The following PI4KB variants were observed in gnomAD, a reference collection of about 807,000 sequenced individuals.
PI4KB encodes the protein PtdIns 4-kinase beta.
A neutral mutation model predicts 81.4 loss-of-function variants in PI4KB; 23 were observed. The ratio of observed to expected loss-of-function variants is 0.28; its 90% CI spans 0.20 to 0.40. The LOEUF (loss-of-function observed/expected upper bound fraction) is 0.40. PI4KB is among the 10% of genes least tolerant of loss of function. The pLI is 1.00. For synonymous variants in PI4KB, 381 were observed against 406.8 expected, an observed-to-expected ratio of 0.94 and a Z score of 0.76; for missense variants, 651 against 1,036.6, an observed-to-expected ratio of 0.63 and a Z score of 5.11.
At chr1:151,326,136 G>C (rs1354648817) in intron 1 of PI4KB, 2 of 1,601,878 alleles carry the variant, frequency 1.2e-6, no homozygotes, top group Non-Finnish European at 1.7e-6. Flanking sequence ...TTTAACAAAA[G>C]CCTAAAATTA....
At chr1:151,294,800 T>C (rs1694654275) in intron 9 of PI4KB, among the ~76,000 whole-genome samples, 1 of 152,212 alleles carries the variant, frequency 6.6e-6, no homozygotes, top group South Asian at 2.1e-4. Context: ...TAGTTTAAGA[T>C]TCTCCCAATT....
chr1:151,318,687 G>A (rs2102004552), intron 1 of PI4KB, among the ~76,000 whole-genome samples: 1 of 151,648 alleles, frequency 6.6e-6, no homozygotes. Context: ...ACTCCAGCCT[G>A]GGCAACAGAG....
At position 151,317,933 on chromosome 1, in the gene PI4KB, C is replaced by A. The variant is rs182480890; in HGVS notation, c.-28-1424G>T. Among the ~76,000 whole-genome samples the A allele has an allele frequency of 1.3e-3, 203 of 152,056 alleles. 2 individuals carry two copies. The highest frequency in any genetic ancestry group is 4.7e-3 in the African/African-American group (196 of 41,472). On this transcript the variant is annotated intron_variant, in intron 1 of 11. Coordinates refer to ENST00000368873, the MANE Select transcript of PI4KB (RefSeq NM_001369623.2). ...AAGGCATCCTCCTGCCTCAGCCTCC[C>A]GAGTAGCTAGGACTTTAGGTGTGTG...
chr1:151,322,572 TG>T (rs1293740701), intron 1 of PI4KB, among the ~76,000 whole-genome samples: 1 of 152,166 alleles, frequency 6.6e-6, no homozygotes, highest in East Asian at 1.9e-4. Context: ...TAGATAAATA[TG>T]GATTGGTTTG....
At position 151,315,900 on chromosome 1, in the gene PI4KB, A is replaced by C. The variant is rs757645617; in HGVS notation, c.582T>G (p.Ile194Met). 6.2e-7 allele frequency: 1 copy of C among 1,614,124 alleles called. No individual in the cohort carries two copies. Residue 194 changes from isoleucine (I) to methionine (M), a missense_variant, in exon 2 of 12, where the codon ATT becomes ATG. By Grantham distance (10) the Ile-to-Met change is conservative. This residue lies in a region of PI4KB where 314 missense variants were observed against 397.8 expected (regional missense o/e 0.79). Coordinates refer to ENST00000368873, the MANE Select transcript of PI4KB (RefSeq NM_001369623.2). ...GGCAACGGTGGACTATGTAGGGCTTAATGGCATCACCCACGTCCTCATCCA... is the reference window on the plus strand; with the variant it reads ...GGCAACGGTGGACTATGTAGGGCTTCATGGCATCACCCACGTCCTCATCCA... Reference protein sequence around the residue: ...IHMDEDVGDAIKPYIVHRCRQ... With the variant: ...IHMDEDVGDAMKPYIVHRCRQ...
At chr1:151,321,872 TAAAA>T (rs35519740) in intron 1 of PI4KB, among the ~76,000 whole-genome samples, 2 of 73,852 alleles carry the variant, frequency 2.7e-5, no homozygotes, top group Admixed American at 1.5e-4. Context: ...GACTCTGTCT[TAAAA>T]AAAAAAAAAA....
chr1:151,295,296 G>A (rs1694690531), intron 9 of PI4KB, among the ~76,000 whole-genome samples: 1 of 152,226 alleles, frequency 6.6e-6, no homozygotes, highest in Admixed American at 6.5e-5. Flanking sequence ...TAGGCTAAGA[G>A]CTGATGGTCT....
chr1:151,316,065 A>G lies in PI4KB; in HGVS notation c.417T>C (p.Phe139=). Reference sequence around the variant, plus strand: ...GGTATGAAATGGCCATGGAGATGTCAAACAGTTTTGACTCAAACAGCCTCA... The same window carrying G: ...GGTATGAAATGGCCATGGAGATGTCGAACAGTTTTGACTCAAACAGCCTCA... The part of the protein sequence containing the change: ...WLLRLFESKL[F]DISMAISYLY... Residue 139 remains phenylalanine (F), a synonymous_variant, in exon 2 of 12, where the codon TTT becomes TTC. Transcript: ENST00000368873. 6.2e-7 allele frequency: 1 copy of G among 1,614,156 alleles called. No individual in the cohort carries two copies. The highest frequency in any genetic ancestry group is 1.1e-5 in the South Asian group (1 of 91,078).
intron 2 of PI4KB, among the ~76,000 whole-genome samples, chr1:151,310,613 C>T (rs1404829285): frequency 6.6e-6 from 1 of 151,594 alleles, no homozygotes; most frequent in Non-Finnish European, 1.5e-5. Context: ...CTTCCCTGCT[C>T]TTTTTTTTTA....
At chr1:151,326,270 G>C in intron 1 of PI4KB, 1 of 1,343,254 alleles carries the variant, frequency 7.4e-7, no homozygotes, top group Non-Finnish European at 1.0e-6. Context: ...TTCAAAACTT[G>C]CTCCGGCCTT....
chr1:151,303,376 T>C (rs1336736130), intron 6 of PI4KB, 165 bp downstream of exon 6: 1 of 655,716 alleles, frequency 1.5e-6, no homozygotes, highest in Admixed American at 2.3e-5. Flanking sequence ...TTTCTCAACC[T>C]ACACCTTCAT....
intron 1 of PI4KB, among the ~76,000 whole-genome samples, chr1:151,318,420 A>G (rs1382592275): frequency 6.8e-6 from 1 of 146,390 alleles, no homozygotes; most frequent in East Asian, 2.0e-4. Flanking sequence ...TGTCTCAAAA[A>G]AAAAAAAAAA....
chr1:151,298,698 A>C (rs1442774710), intron 9 of PI4KB, 110 bp downstream of exon 9: 20 of 1,181,952 alleles, frequency 1.7e-5, no homozygotes, highest in Middle Eastern at 2.9e-4. Flanking sequence ...ACATTGTTTC[A>C]TTTTTCACAT....
rs375242469 is a variant in PI4KB at position 151,316,352 on chromosome 1, C to G, written c.130G>C (p.Asp44His). Residue 44 changes from aspartate to histidine, a missense_variant, in exon 2 of 12, where the codon GAC (aspartate) becomes CAC (histidine). Asp to His is a moderately conservative substitution (Grantham distance 81). Transcript: ENST00000368873. Reference protein sequence around the residue: ...TEGVGELSVIDPEVAQKACQE... With the variant: ...TEGVGELSVIHPEVAQKACQE... ...CAGGCCTTCTGGGCCACCTCAGGGT[C>G]AATCACTGATAGTTCCCCGACCCCC... 3.7e-6 allele frequency: 6 copies of G among 1,612,512 alleles called. No homozygotes were observed. Among genetic ancestry groups the G allele is most frequent in the African/African-American group, 2.7e-5 (2 of 74,902 alleles).
In PI4KB at chr1:151,302,168, G is replaced by A. The variant is rs774788519; in HGVS notation, c.1625+26C>T. On this transcript the variant is annotated intron_variant, in intron 7 of 11. Coordinates refer to ENST00000368873, the MANE Select transcript of PI4KB (RefSeq NM_001369623.2). The stretch of plus-strand genomic sequence containing the variant: ...ACAACTGCCTCTGAGCTTTGAGAGG[G>A]GTTCAGAGACCCACACCCAACTCAC... The A allele has an allele frequency of 1.5e-5, 23 of 1,562,624 alleles. 1 individual carries two copies. In the South Asian group the frequency reaches 2.6e-4, roughly 17 times the overall value.
intron 9 of PI4KB, among the ~76,000 whole-genome samples, chr1:151,296,330 T>C (rs1694786390): frequency 6.6e-6 from 1 of 152,098 alleles, no homozygotes; most frequent in Non-Finnish European, 1.5e-5. Flanking sequence ...CAGGGTGGAA[T>C]GAGCGCAGGG....
chr1:151,293,299 G>A (rs1235389979), intron 11 of PI4KB: 2 of 1,378,748 alleles, frequency 1.5e-6, no homozygotes, highest in Non-Finnish European at 1.9e-6. Context: ...TAAGGGTGGA[G>A]GGGCCCAGAG....
intron 5 of PI4KB, among the ~76,000 whole-genome samples, chr1:151,304,562 C>G (rs902339658): frequency 6.6e-6 from 1 of 151,938 alleles, no homozygotes; most frequent in African/African-American, 2.4e-5. Flanking sequence ...TCAGGCTGTT[C>G]TTGAACTCCT....
Position 151,294,028 on chromosome 1 carries a change from G to C in PI4KB, c.2259C>G (p.Ile753Met). 1.2e-6 allele frequency: 2 copies of C among 1,614,086 alleles called. No homozygotes were observed. Among genetic ancestry groups the C allele is most frequent in the Non-Finnish European group, 8.5e-7 (1 of 1,179,970 alleles). Reference sequence around the variant, plus strand: ...TCACCCCAGCCCCACCTTGCTGCATGATCTCCACGATCTGCACCACCTTGT... The same window carrying C: ...TCACCCCAGCCCCACCTTGCTGCATCATCTCCACGATCTGCACCACCTTGT... ...HMDKVVQIVE[I>M]MQQGSQLPCF... The change falls in exon 11 of 12, where the codon ATC (isoleucine) becomes ATG (methionine). Residue 753 changes from isoleucine to methionine, a missense_variant. Physicochemically the swap from Ile to Met is conservative, Grantham distance 10. Coordinates refer to ENST00000368873, the MANE Select transcript of PI4KB (RefSeq NM_001369623.2).
Sources: gnomAD v4.1 joint callset for allele counts (sites outside exome capture counted in the v4.1 genomes callset) on GRCh38, gnomAD v4.1.1 for gene constraint, gnomAD v4.1.1 regional missense constraint, MANE v1.5 for transcripts, NCBI Gene and HGNC (gene_info 2026-07-23, HGNC 2026-07-21) for gene names.